Variants in PTPN3 observed in about 807,000 individuals in gnomAD.
The protein encoded by PTPN3 is tyrosine-protein phosphatase non-receptor type 3.
A neutral mutation model predicts 132.7 loss-of-function variants in PTPN3; 96 were observed. The ratio of observed to expected loss-of-function variants is 0.72; its 90% CI spans 0.61 to 0.86. The LOEUF is 0.86. Ranked by LOEUF, PTPN3 falls within the 40% of genes least tolerant of loss-of-function variation. PTPN3 has a pLI of 0.00. For missense variants in PTPN3, 1,125 were observed against 1,159.6 expected (o/e 0.97, Z 0.43); for synonymous variants, 398 against 429.0 (o/e 0.93, Z 0.89).
intron 7 of PTPN3, among the ~76,000 whole-genome samples, chr9:109,441,714 T>C (rs1395482085): frequency 6.6e-6 from 1 of 151,846 alleles, no homozygotes; most frequent in Admixed American, 6.6e-5. Context: ...TTTTCCATCA[T>C]TGTATATTTT....
chr9:109,412,299 C>A (rs534659284), intron 14 of PTPN3, among the ~76,000 whole-genome samples: 2 of 152,216 alleles, frequency 1.3e-5, no homozygotes, highest in Admixed American at 1.3e-4. Context: ...GCCTCGATTT[C>A]CTGACTCAAG....
In PTPN3 at chr9:109,376,255, C is replaced by A. The variant is rs942722888; in HGVS notation, c.*3301G>T. 1.3e-5 allele frequency: 2 copies of A among 152,114 alleles called. No individual in the cohort carries two copies. Among genetic ancestry groups the A allele is most frequent in the Non-Finnish European group, 2.9e-5 (2 of 68,034 alleles). 9.4% of individuals were successfully genotyped at this position (152,114 alleles called of 1,614,324 possible). Reference sequence around the variant, plus strand: ...TATCTTGCCTAAGTCCAGGTCTAGACCCAAGCCCTGCCTCTCACAATCTTT... The same window carrying A: ...TATCTTGCCTAAGTCCAGGTCTAGAACCAAGCCCTGCCTCTCACAATCTTT... On this transcript the variant is annotated 3_prime_UTR_variant, in exon 26 of 26. Coordinates refer to ENST00000374541, the MANE Select transcript of PTPN3 (RefSeq NM_002829.4).
intron 19 of PTPN3, among the ~76,000 whole-genome samples, chr9:109,399,380 C>T (rs1055023465): frequency 2.0e-5 from 3 of 152,110 alleles, no homozygotes; most frequent in African/African-American, 7.2e-5. Flanking sequence ...AGTTGTGTGC[C>T]ACTGGGCAAG....
At chr9:109,490,921 G>A (rs1017784875) in intron 1 of PTPN3, among the ~76,000 whole-genome samples, 8 of 150,586 alleles carry the variant, frequency 5.3e-5, no homozygotes, top group Admixed American at 6.6e-5. Context: ...CATCTAGGCC[G>A]GGCGCAGTGG....
At position 109,441,352 on chromosome 9, in the gene PTPN3, GC is replaced by G. The variant is rs1844455682; in HGVS notation, c.467-3119del. On this transcript the variant is annotated intron_variant, in intron 7 of 25. Coordinates refer to ENST00000374541, the MANE Select transcript of PTPN3 (RefSeq NM_002829.4). ...AAAGTACAGCATTTCAAGCTGCCCG[GC>G]TGTTGTACTTGGAAAGACTTTTACC... 4.6e-5 allele frequency among the ~76,000 whole-genome samples: 7 copies of G among 152,284 alleles called. No individual in the cohort carries two copies. In the South Asian group the frequency reaches 1.5e-3, roughly 32 times the overall value.
chr9:109,510,064 T>C, the PTPN3 span, among the ~76,000 whole-genome samples: 4 of 152,184 alleles, frequency 2.6e-5, no homozygotes, highest in Non-Finnish European at 5.9e-5. Flanking sequence ...CCATATGGCA[T>C]ATGCAGCAGA....
intron 14 of PTPN3, among the ~76,000 whole-genome samples, chr9:109,415,036 G>GTCCGTCCGTCCGTCCGTCCA (rs1564413380): frequency 6.9e-5 from 10 of 145,696 alleles, no homozygotes; most frequent in South Asian, 2.3e-4. Flanking sequence ...CCGTCTGTCC[G>GTCCGTCCGTCCGTCCGTCCA]TCCGTCCGTC....
At chr9:109,482,449 A>T (rs577652905) in intron 1 of PTPN3, among the ~76,000 whole-genome samples, 4 of 151,852 alleles carry the variant, frequency 2.6e-5, no homozygotes, top group Admixed American at 1.3e-4. Flanking sequence ...AGACAAAAAA[A>T]CCCCACATGT....
In PTPN3 at chr9:109,435,239, T is replaced by C. The variant is rs545796697; in HGVS notation, c.675+1644A>G. Among the ~76,000 whole-genome samples, 3 of 152,342 alleles carry C rather than the reference T, an allele frequency of 2.0e-5. No individual in the cohort carries two copies. The South Asian group carries it at 6.2e-4, about 32-fold the overall frequency. On this transcript the variant is annotated intron_variant, in intron 9 of 25. Transcript: ENST00000374541. ...CAACCCCTGCAGCATAGGAAGTTACTGTCTATTCAATTCCCAGGCCCAACC... is the reference window on the plus strand; with the variant it reads ...CAACCCCTGCAGCATAGGAAGTTACCGTCTATTCAATTCCCAGGCCCAACC...
At position 109,436,873 on chromosome 9, in the gene PTPN3, GAATA is replaced by G; in HGVS notation, c.675+6_675+9del. 6.2e-7 allele frequency: 1 copy of G among 1,608,244 alleles called. No homozygotes were observed. Among genetic ancestry groups the G allele is most frequent in the Non-Finnish European group, 8.5e-7 (1 of 1,178,000 alleles). ...TAATGTTTGAGCCAAGACATAACAA[GAATA>G]CATACCCTACCACTGTGCAGTTCTA... On this transcript the variant is annotated splice_donor_region_variant and intron_variant, in intron 9 of 25. Coordinates refer to ENST00000374541, the MANE Select transcript of PTPN3 (RefSeq NM_002829.4).
At chr9:109,427,143 G>T in intron 11 of PTPN3, 21 bp from the exon 12 acceptor site, 3 of 1,612,160 alleles carry the variant, frequency 1.9e-6, no homozygotes, top group Non-Finnish European at 1.7e-6. Context: ...AAACAGTCAA[G>T]ATTTCACCCA....
chr9:109,470,857 T>C (rs1487493503), intron 1 of PTPN3, among the ~76,000 whole-genome samples: 1 of 152,182 alleles, frequency 6.6e-6, no homozygotes, highest in Non-Finnish European at 1.5e-5. Context: ...AAAACTAGCG[T>C]ACACAAGAAT....
chr9:109,400,228 T>C (rs1588328749), intron 19 of PTPN3, among the ~76,000 whole-genome samples: 1 of 152,350 alleles, frequency 6.6e-6, no homozygotes, highest in East Asian at 1.9e-4. Context: ...ATGTCCGGCC[T>C]GTGACCACCT....
At chr9:109,490,702 G>A (rs1445366140) in intron 1 of PTPN3, among the ~76,000 whole-genome samples, 1 of 152,032 alleles carries the variant, frequency 6.6e-6, no homozygotes, top group Non-Finnish European at 1.5e-5. Context: ...CTGAGCCACT[G>A]CACTCCAGCC....
intron 1 of PTPN3, among the ~76,000 whole-genome samples, chr9:109,475,371 T>C (rs1846607318): frequency 6.6e-6 from 1 of 152,236 alleles, no homozygotes; most frequent in Non-Finnish European, 1.5e-5. Context: ...ACCTCATTCT[T>C]GGAAAAAACT....
At chr9:109,408,398 A>G in intron 16 of PTPN3, 21 bp from the exon 17 acceptor site, 1 of 1,558,936 alleles carries the variant, frequency 6.4e-7, no homozygotes, top group Admixed American at 1.9e-5. Context: ...TTTAAAATAA[A>G]AACAAAACAA....
At chr9:109,489,356 CA>C (rs1847353016) in intron 1 of PTPN3, among the ~76,000 whole-genome samples, 1 of 152,210 alleles carries the variant, frequency 6.6e-6, no homozygotes, top group Non-Finnish European at 1.5e-5. Flanking sequence ...ACCAAAGCCA[CA>C]AACATCAGGC....
intron 14 of PTPN3, among the ~76,000 whole-genome samples, chr9:109,411,556 C>T (rs986852890): frequency 2.0e-5 from 3 of 152,150 alleles, no homozygotes; most frequent in Non-Finnish European, 4.4e-5. Flanking sequence ...GGCTCTCCTA[C>T]ATTCTAAGAC....
upstream of PTPN3, among the ~76,000 whole-genome samples, chr9:109,500,378 T>C (rs1033288210): frequency 6.6e-6 from 1 of 152,160 alleles, no homozygotes; most frequent in Non-Finnish European, 1.5e-5. Flanking sequence ...GCCCTCAACT[T>C]TGAGCTAGGA....
Sources: gnomAD v4.1 joint callset for allele counts (sites outside exome capture counted in the v4.1 genomes callset) on GRCh38, gnomAD v4.1.1 for gene constraint, MANE v1.5 for transcripts, NCBI Gene and HGNC (gene_info 2026-07-23, HGNC 2026-07-21) for gene names.